The following NCKAP1 variants were observed in gnomAD, a reference collection of about 807,000 sequenced individuals.
NCKAP1 encodes nck-associated protein 1.
In NCKAP1, 21 loss-of-function variants were observed where a neutral mutation model predicts 151.2. The observed-to-expected ratio is 0.14, with a 90% CI of 0.10 to 0.20. NCKAP1 has a LOEUF of 0.20. Ranked by LOEUF, NCKAP1 falls within the 10% of genes least tolerant of loss-of-function variation. The pLI, the probability that NCKAP1 is intolerant of heterozygous loss-of-function variation, is 1.00. For missense variants in NCKAP1, 933 were observed against 1,352.1 expected (o/e 0.69, Z 4.86); for synonymous variants, 484 against 451.8 (o/e 1.07, Z -0.90).
At position 182,924,595 on chromosome 2, in the gene NCKAP1, T is replaced by A. The variant is rs1271752701; in HGVS notation, c.*1107A>T. 1 of 152,200 alleles carries A rather than the reference T, an allele frequency of 6.6e-6. No homozygotes were observed. The highest frequency in any genetic ancestry group is 1.5e-5 in the Non-Finnish European group (1 of 68,024). The allele number at this position is 152,200 out of a possible 1,614,324, so 9.4% of individuals were successfully genotyped here. A position where few individuals can be genotyped will look rare whatever the true frequency, so the allele number is the denominator to read the frequency against. The stretch of plus-strand genomic sequence containing the variant: ...CACTCAATTTTTTTTCCCTATTCTT[T>A]TAAATAACTCTATTTGGTTACAGAT... On this transcript the variant is annotated 3_prime_UTR_variant, in exon 31 of 31. Coordinates refer to ENST00000361354, the MANE Select transcript of NCKAP1 (RefSeq NM_013436.5).
chr2:182,989,861 G>A (rs1698132453), intron 8 of NCKAP1, among the ~76,000 whole-genome samples: 1 of 151,916 alleles, frequency 6.6e-6, no homozygotes, highest in African/African-American at 2.4e-5. Context: ...TTAGACAGGA[G>A]TGTTGGTGCG....
In NCKAP1 at chr2:183,038,285, G is replaced by A. The variant is rs1330155233; in HGVS notation, c.-186C>T. The A allele has an allele frequency of 2.5e-6, 1 of 402,704 alleles. No individual in the cohort carries two copies. The highest frequency in any genetic ancestry group is 4.4e-6 in the Non-Finnish European group (1 of 229,644). 24.9% of individuals were successfully genotyped at this position (402,704 alleles called of 1,614,324 possible). A position where few individuals can be genotyped will look rare whatever the true frequency, so the allele number is the denominator to read the frequency against. The stretch of plus-strand genomic sequence containing the variant: ...AGAGCGAGCCGCGGCGGACTCCTCG[G>A]AGCCCCTTCTCCCGCAGCAGCCCGC... On this transcript the variant is annotated 5_prime_UTR_variant, in exon 1 of 31. Transcript: ENST00000361354.
At position 182,956,003 on chromosome 2, in the gene NCKAP1, G is replaced by C. The variant is rs964509157; in HGVS notation, c.2153+459C>G. ...CTAATAGGTATGAGAAAAGAATCTGGGTATCTTCAGTAATTTTCAGTTCAC... is the reference window on the plus strand; with the variant it reads ...CTAATAGGTATGAGAAAAGAATCTGCGTATCTTCAGTAATTTTCAGTTCAC... On this transcript the variant is annotated intron_variant, in intron 20 of 30. Transcript: ENST00000361354. Among the ~76,000 whole-genome samples the C allele has an allele frequency of 2.0e-5, 3 of 152,154 alleles. No individual in the cohort carries two copies. The East Asian group carries it at 5.8e-4, about 29-fold the overall frequency.
intron 23 of NCKAP1, among the ~76,000 whole-genome samples, chr2:182,943,700 T>A (rs937029986): frequency 1.3e-5 from 2 of 152,146 alleles, no homozygotes; most frequent in Non-Finnish European, 2.9e-5. Context: ...GAAATACTGA[T>A]ATATGTTTAA....
Position 182,935,153 on chromosome 2 carries a change from T to A in NCKAP1, c.2778+140A>T, listed in dbSNP as rs1038258057. On this transcript the variant is annotated intron_variant, in intron 25 of 30. Transcript: ENST00000361354. ...ATGAGCTTAAATAACTAATTTTATG[T>A]ATGTTATTTTCTGTAACTACTAAAA... 28 of 664,420 alleles carry A rather than the reference T, an allele frequency of 4.2e-5. 1 individual carries two copies. The highest frequency in any genetic ancestry group is 5.7e-5 in the African/African-American group (3 of 52,420). The allele number at this position is 664,420 out of a possible 1,614,324, so 41.2% of individuals were successfully genotyped here.
In NCKAP1 at chr2:182,931,533, C is replaced by A. The variant is rs185104057; in HGVS notation, c.2860-745G>T. ...ACACAAAAATTAACTCAAAATAAAT[C>A]ATAAACCTAAATGTAAGAGCTAAAA... On this transcript the variant is annotated intron_variant, in intron 26 of 30. Coordinates refer to ENST00000361354, the MANE Select transcript of NCKAP1 (RefSeq NM_013436.5). 1.1e-3 allele frequency among the ~76,000 whole-genome samples: 160 copies of A among 152,138 alleles called. 1 individual carries two copies. Among genetic ancestry groups the A allele is most frequent in the African/African-American group, 3.7e-3 (154 of 41,538 alleles).
At chr2:183,017,291 T>C (rs1463332017) in intron 2 of NCKAP1, among the ~76,000 whole-genome samples, 2 of 152,118 alleles carry the variant, frequency 1.3e-5, no homozygotes, top group African/African-American at 4.8e-5. Context: ...TATTACATTA[T>C]AATATGTAAT....
chr2:182,999,873 G>T (rs1421460649), intron 6 of NCKAP1, among the ~76,000 whole-genome samples: 1 of 152,122 alleles, frequency 6.6e-6, no homozygotes, highest in Non-Finnish European at 1.5e-5. Flanking sequence ...GGAACTGGAG[G>T]CCATTATCAA....
In NCKAP1 at chr2:182,948,939, C is replaced by A. The variant is rs565186557; in HGVS notation, c.2601+3466G>T. Among the ~76,000 whole-genome samples the A allele has an allele frequency of 8.0e-5, 12 of 150,636 alleles. 1 individual carries two copies. The South Asian group carries it at 1.9e-3, about 24-fold the overall frequency. On this transcript the variant is annotated intron_variant, in intron 23 of 30. Transcript: ENST00000361354. ...GGGCACTATTCTCTAAGAGTGACAA[C>A]AAAAAAAACAGAGTTTGTACAGAGG... is the stretch of plus-strand genomic sequence containing the variant.
intron 20 of NCKAP1, 73 bp downstream of exon 20, chr2:182,956,389 T>A: frequency 4.6e-6 from 7 of 1,522,692 alleles, no homozygotes; most frequent in Non-Finnish European, 1.8e-6. Context: ...CTTTTCCTTA[T>A]AAAACACTGT....
intron 24 of NCKAP1, among the ~76,000 whole-genome samples, chr2:182,940,157 G>C (rs1458819315): frequency 6.6e-6 from 1 of 152,112 alleles, no homozygotes; most frequent in East Asian, 1.9e-4. Flanking sequence ...TCAAAAGACT[G>C]TTAGTAGGAA....
At chr2:182,942,747 A>G (rs1697023188) in intron 23 of NCKAP1, among the ~76,000 whole-genome samples, 2 of 152,148 alleles carry the variant, frequency 1.3e-5, no homozygotes, top group Admixed American at 1.3e-4. Context: ...AGGAAGAGAT[A>G]TAAATAAGGG....
At chr2:182,942,796 CATTGAAGAA>C (rs1181403836) in intron 23 of NCKAP1, among the ~76,000 whole-genome samples, 31 of 151,848 alleles carry the variant, frequency 2.0e-4, no homozygotes, top group South Asian at 1.0e-3. Context: ...AAGTATAACT[CATTGAAGAA>C]TGTTCTCCTC....
intron 6 of NCKAP1, 123 bp downstream of exon 6, chr2:183,001,830 A>G (rs1698380159): frequency 6.6e-6 from 5 of 756,992 alleles, no homozygotes; most frequent in South Asian, 3.7e-5. Flanking sequence ...AAAAGCACAC[A>G]TAACTATTAC....
intron 7 of NCKAP1, among the ~76,000 whole-genome samples, chr2:182,995,362 A>G (rs1698248505): frequency 1.3e-5 from 2 of 152,216 alleles, no homozygotes; most frequent in South Asian, 2.1e-4. Flanking sequence ...ATGGAATATA[A>G]CAATGATTTT....
intron 23 of NCKAP1, among the ~76,000 whole-genome samples, chr2:182,952,065 C>T (rs916710938): frequency 8.5e-5 from 13 of 152,106 alleles, no homozygotes; most frequent in African/African-American, 3.1e-4. Context: ...CAAGTGTGAA[C>T]AAATTGTTAA....
chr2:182,964,443 T>A (rs1405940952), intron 17 of NCKAP1, among the ~76,000 whole-genome samples: 2 of 152,128 alleles, frequency 1.3e-5, no homozygotes, highest in Non-Finnish European at 2.9e-5. Context: ...CCATTTATCT[T>A]AAAAAAGGTA....
At chr2:183,008,051 C>T (rs1431751448) in intron 2 of NCKAP1, among the ~76,000 whole-genome samples, 2 of 152,132 alleles carry the variant, frequency 1.3e-5, no homozygotes, top group Non-Finnish European at 2.9e-5. Context: ...CTCAGCCTCC[C>T]GAGTAGCTGG....
rs1698236014 is a variant in NCKAP1 at position 182,994,798 on chromosome 2, A to G, written c.790+41T>C. 2.6e-6 allele frequency: 4 copies of G among 1,517,140 alleles called. No homozygotes were observed. In the South Asian group the frequency reaches 4.5e-5, roughly 17 times the overall value. The allele number at this position is 1,517,140 out of a possible 1,614,324, so 94.0% of individuals were successfully genotyped here. ...ACCTGCTATTTTTCTCTAAAACATA[A>G]AGCCTGGGGAGTAATCATAACACTA... On this transcript the variant is annotated intron_variant, in intron 8 of 30. Transcript: ENST00000361354.
Sources: gnomAD v4.1 joint callset for allele counts (sites outside exome capture counted in the v4.1 genomes callset) on GRCh38, gnomAD v4.1.1 for gene constraint, MANE v1.5 for transcripts, NCBI Gene and HGNC (gene_info 2026-07-23, HGNC 2026-07-21) for gene names.